BCL7C: variants seen among roughly 807,000 people sequenced by gnomAD.
BCL7C encodes BAF chromatin remodeling complex subunit BCL7C.
Under a neutral mutation model 26.2 loss-of-function variants are expected in BCL7C, and 8 were observed. The observed-to-expected ratio is 0.30, with a 90% confidence interval of 0.18 to 0.55. The LOEUF is 0.55. Among genes scored for constraint, BCL7C ranks in the 20% least tolerant of loss-of-function variants. The pLI, the probability that BCL7C is intolerant of heterozygous loss-of-function variation, is 0.93. For synonymous variants in BCL7C, 90 were observed against 116.5 expected, an observed-to-expected ratio of 0.77 and a Z score of 1.47; for missense variants, 262 against 298.5, an observed-to-expected ratio of 0.88 and a Z score of 0.90.
rs1596587236 is a variant in BCL7C, at chr16:30,851,837, T to C, written c.529-16689A>G. 3 of 264,616 alleles carry C rather than the reference T, an allele frequency of 1.1e-5. No individual in the cohort carries two copies. The South Asian group carries it at 2.8e-4, about 25-fold the overall frequency. The allele number at this position is 264,616 out of a possible 1,614,324, so 16.4% of individuals were successfully genotyped here. A position where few individuals can be genotyped will look rare whatever the true frequency, so the allele number is the denominator to read the frequency against. On this transcript the variant is annotated intron_variant, in intron 5 of 5. Coordinates refer to the BCL7C transcript ENST00000380317. ...CAGAGCTGGTTGTTGCCGGTTGTCA[T>C]ATAAAATCGACTTTTTGTCACACAT...
At chr16:30,851,735 C>G (rs1488287623) in intron 5 of BCL7C, 3 of 593,414 alleles carry the variant, frequency 5.1e-6, no homozygotes, top group East Asian at 6.6e-5. Flanking sequence ...AGCAGACCAC[C>G]AAACAGTGAC....
chr16:30,838,364 G>C (rs1254986455), intron 5 of BCL7C, among the ~76,000 whole-genome samples: 2 of 152,220 alleles, frequency 1.3e-5, no homozygotes, highest in African/African-American at 2.4e-5. Context: ...AGGTAGCTAG[G>C]TAGGTAGGTA....
chr16:30,893,076 A>C lies in BCL7C; in HGVS notation c.172-128T>G. Reference sequence around the variant, plus strand: ...GGAGCAGAAAAGAGGGCAAAAGGGGAGGAGCTGCTAATGATGGTTCCCGTC... The same window carrying C: ...GGAGCAGAAAAGAGGGCAAAAGGGGCGGAGCTGCTAATGATGGTTCCCGTC... On this transcript the variant is annotated intron_variant, in intron 2 of 5. Coordinates refer to ENST00000215115, the MANE Select transcript of BCL7C (RefSeq NM_004765.4). The surrounding 1 kb of genome is among the most constrained non-coding windows in gnomAD (Gnocchi z 5.2). 1.6e-6 allele frequency: 2 copies of C among 1,214,206 alleles called. No individual in the cohort carries two copies. The highest frequency in any genetic ancestry group is 1.4e-5 in the South Asian group (1 of 71,408). 75.2% of individuals were successfully genotyped at this position (1,214,206 alleles called of 1,614,324 possible). A position where few individuals can be genotyped will look rare whatever the true frequency, so the allele number is the denominator to read the frequency against.
At chr16:30,836,162 G>A (rs1057137756) in intron 5 of BCL7C, among the ~76,000 whole-genome samples, 2 of 152,210 alleles carry the variant, frequency 1.3e-5, no homozygotes, top group African/African-American at 2.4e-5. Flanking sequence ...GCTGAGGCAC[G>A]AGAATCGCTT....
At position 30,837,435 on chromosome 16, in the gene BCL7C, A is replaced by G. The variant is rs375520751; in HGVS notation, c.529-2287T>C. ...CAATAGAGCCTCTTGCCTCACTGCA[A>G]TCTCTAGGTTCAAGTGATTCTCCTG... On this transcript the variant is annotated intron_variant, in intron 5 of 5. Transcript: ENST00000380317. Among the ~76,000 whole-genome samples the G allele has an allele frequency of 4.6e-5, 7 of 151,834 alleles. No homozygotes were observed. The East Asian group carries it at 5.9e-4, about 13-fold the overall frequency.
chr16:30,868,289 G>A (rs943607785), intron 5 of BCL7C, among the ~76,000 whole-genome samples: 2 of 148,712 alleles, frequency 1.3e-5, no homozygotes, highest in Non-Finnish European at 3.0e-5. Context: ...CACCCGACCC[G>A]GCTAATTTTT....
intron 5 of BCL7C, among the ~76,000 whole-genome samples, chr16:30,856,223 C>A (rs913044774): frequency 6.6e-6 from 1 of 151,320 alleles, no homozygotes; most frequent in Non-Finnish European, 1.5e-5. Context: ...GGGCGGATCA[C>A]GAGGTCAGGA....
intron 5 of BCL7C, among the ~76,000 whole-genome samples, chr16:30,878,207 GC>G (rs1178678507): frequency 6.6e-6 from 1 of 150,946 alleles, no homozygotes; most frequent in Non-Finnish European, 1.5e-5. Flanking sequence ...AAATCCCAGG[GC>G]CCAGGTTGCA....
At chr16:30,856,724 G>C (rs906546278) in intron 5 of BCL7C, among the ~76,000 whole-genome samples, 4 of 152,166 alleles carry the variant, frequency 2.6e-5, no homozygotes, top group African/African-American at 9.7e-5. Context: ...GTGTGTCTCA[G>C]TGTTCCAAAG....
chr16:30,879,211 GTCATGCTAGAT>G (rs1215307233), intron 5 of BCL7C, among the ~76,000 whole-genome samples: 1 of 152,124 alleles, frequency 6.6e-6, no homozygotes, highest in Non-Finnish European at 1.5e-5. Flanking sequence ...GGGATGCTTG[GTCATGCTAGAT>G]TCTCCTGATG....
intron 5 of BCL7C, among the ~76,000 whole-genome samples, chr16:30,870,766 C>T (rs935438436): frequency 1.1e-4 from 17 of 152,176 alleles, no homozygotes; most frequent in Middle Eastern, 3.4e-3. Flanking sequence ...GCTGGGGTAC[C>T]ACAGCCAAGC....
intron 5 of BCL7C, among the ~76,000 whole-genome samples, chr16:30,858,797 G>A (rs560877645): frequency 1.8e-4 from 28 of 152,258 alleles, no homozygotes; most frequent in African/African-American, 6.7e-4. Flanking sequence ...CGGGAACAGT[G>A]GAGTGGGAAA....
Position 30,892,764 on chromosome 16 carries a change from C to T in BCL7C, c.281-17G>A, listed in dbSNP as rs1567326223. Reference sequence around the variant, plus strand: ...TGTTCTCATCTGCGGGAGCAAGAGCCGAGATGGTTGGCCTGAGATCCCTAG... The same window carrying T: ...TGTTCTCATCTGCGGGAGCAAGAGCTGAGATGGTTGGCCTGAGATCCCTAG... On this transcript the variant is annotated splice_polypyrimidine_tract_variant and intron_variant, in intron 3 of 5. Transcript: ENST00000215115. The T allele has an allele frequency of 3.7e-6, 6 of 1,614,138 alleles. No individual in the cohort carries two copies. Among genetic ancestry groups the T allele is most frequent in the Non-Finnish European group, 5.1e-6 (6 of 1,180,018 alleles).
At chr16:30,844,118 G>A (rs539639093) in intron 5 of BCL7C, among the ~76,000 whole-genome samples, 23 of 148,162 alleles carry the variant, frequency 1.6e-4, no homozygotes, top group Admixed American at 8.8e-4. Context: ...TTGGGAGGCC[G>A]AGGCAGGCGG....
chr16:30,884,595 C>T (rs2055100795), downstream of BCL7C, among the ~76,000 whole-genome samples: 1 of 148,310 alleles, frequency 6.7e-6, no homozygotes, highest in African/African-American at 2.5e-5. Context: ...CTCCCGGGTT[C>T]AAGAGATTCT....
chr16:30,868,135 T>TG (rs1473532160), intron 5 of BCL7C, among the ~76,000 whole-genome samples: 1 of 149,406 alleles, frequency 6.7e-6, no homozygotes, highest in Non-Finnish European at 1.5e-5. Context: ...GTGGGTTTTT[T>TG]TTTTTTTTTT....
intron 5 of BCL7C, among the ~76,000 whole-genome samples, chr16:30,846,572 G>A (rs980442606): frequency 6.6e-6 from 1 of 152,074 alleles, no homozygotes; most frequent in Non-Finnish European, 1.5e-5. Context: ...TTACTATATT[G>A]CCCAGGCTCT....
chr16:30,856,460 A>C (rs1033574034), intron 5 of BCL7C, among the ~76,000 whole-genome samples: 4 of 150,240 alleles, frequency 2.7e-5, no homozygotes, highest in Non-Finnish European at 5.9e-5. Context: ...AAAAAAAAAA[A>C]GTGTGGCAGC....
chr16:30,861,814 C>T (rs1380644292), intron 5 of BCL7C, among the ~76,000 whole-genome samples: 1 of 150,358 alleles, frequency 6.7e-6, no homozygotes, highest in Non-Finnish European at 1.5e-5. Flanking sequence ...GGCTTCTAAA[C>T]CTCTTAAAAC....
Sources: gnomAD v4.1 joint callset for allele counts (sites outside exome capture counted in the v4.1 genomes callset) on GRCh38, gnomAD v4.1.1 for gene constraint, Gnocchi (gnomAD v3.1) non-coding constraint, MANE v1.5 for transcripts, NCBI Gene and HGNC (gene_info 2026-07-23, HGNC 2026-07-21) for gene names.